MAP3K3: variants seen among roughly 807,000 people sequenced by gnomAD.
MAP3K3 encodes mitogen-activated protein kinase kinase kinase 3, also known as MAP/ERK kinase kinase 3.
Under a neutral mutation model 80.9 loss-of-function variants are expected in MAP3K3, and 12 were observed. The ratio of observed to expected loss-of-function variants is 0.15; its 90% CI spans 0.10 to 0.24. The LOEUF is 0.24. Among genes scored for constraint, MAP3K3 ranks in the 10% least tolerant of loss-of-function variants. The pLI is 1.00. For missense variants in MAP3K3, 596 were observed against 834.7 expected (o/e 0.71, Z 3.52); for synonymous variants, 272 against 307.1 (o/e 0.89, Z 1.19).
chr17:63,627,051 G>C (rs926092633), intron 1 of MAP3K3, among the ~76,000 whole-genome samples: 1 of 152,192 alleles, frequency 6.6e-6, no homozygotes, highest in Non-Finnish European at 1.5e-5. Flanking sequence ...ACCCTGCTTT[G>C]AGATACAAGT....
chr17:63,683,561 T>C (rs1437957245), intron 7 of MAP3K3, among the ~76,000 whole-genome samples: 3 of 152,186 alleles, frequency 2.0e-5, no homozygotes, highest in African/African-American at 7.2e-5. Flanking sequence ...GACAGACTTT[T>C]AGAAAGAGGC....
At position 63,690,250 on chromosome 17, in the gene MAP3K3, C is replaced by T; in HGVS notation, c.1064-14C>T. 1 of 1,610,372 alleles carries T rather than the reference C, an allele frequency of 6.2e-7. No individual in the cohort carries two copies. Among genetic ancestry groups the T allele is most frequent in the Non-Finnish European group, 8.5e-7 (1 of 1,178,650 alleles). ...ATGTACACAAAGTAACTCTTTCCTT[C>T]TGCTCTCCTGTAGCTCCCAGTGCCC... is the stretch of plus-strand genomic sequence containing the variant. On this transcript the variant is annotated splice_polypyrimidine_tract_variant and intron_variant, in intron 11 of 15. Transcript: ENST00000361733.
chr17:63,685,201 G>T (rs753750917), intron 7 of MAP3K3, among the ~76,000 whole-genome samples: 6 of 152,312 alleles, frequency 3.9e-5, no homozygotes, highest in Non-Finnish European at 8.8e-5. Context: ...CAGCAGGGTA[G>T]TACCATCTCC....
chr17:63,662,713 A>C (rs1398000272), intron 5 of MAP3K3, among the ~76,000 whole-genome samples: 4 of 133,024 alleles, frequency 3.0e-5, no homozygotes, highest in Non-Finnish European at 4.6e-5. Context: ...GTTGGAGTGC[A>C]GTGGCGCAAT....
At chr17:63,630,818 A>G (rs1450114820) in intron 1 of MAP3K3, among the ~76,000 whole-genome samples, 1 of 152,190 alleles carries the variant, frequency 6.6e-6, no homozygotes, top group Non-Finnish European at 1.5e-5. Context: ...TATGTTTTGA[A>G]GTGGAATCAT....
chr17:63,631,921 C>G (rs1351278588), intron 1 of MAP3K3, among the ~76,000 whole-genome samples: 1 of 152,072 alleles, frequency 6.6e-6, no homozygotes, highest in Non-Finnish European at 1.5e-5. Context: ...TTACCTGAGG[C>G]CCTTATTTGG....
chr17:63,649,973 G>A (rs2034617625), intron 3 of MAP3K3, among the ~76,000 whole-genome samples: 1 of 152,232 alleles, frequency 6.6e-6, no homozygotes, highest in Admixed American at 6.5e-5. Flanking sequence ...CAGGGAAGAT[G>A]AGAAAGAACC....
At chr17:63,645,218 G>A (rs1243142672) in intron 2 of MAP3K3, among the ~76,000 whole-genome samples, 1 of 152,076 alleles carries the variant, frequency 6.6e-6, no homozygotes, top group Non-Finnish European at 1.5e-5. Flanking sequence ...CAAGAGAATC[G>A]TTTGAACCCG....
chr17:63,691,853 G>C lies in MAP3K3; in HGVS notation c.1465G>C (p.Asp489His). The C allele has an allele frequency of 6.2e-7, 1 of 1,614,006 alleles. No individual in the cohort carries two copies. The highest frequency in any genetic ancestry group is 8.5e-7 in the Non-Finnish European group (1 of 1,179,916). Residue 489 changes from aspartate (D) to histidine (H), a missense_variant, in exon 14 of 16, where the codon GAC becomes CAC. Asp to His is a moderately conservative substitution (Grantham distance 81, BLOSUM62 -1). This residue lies in a region of MAP3K3 where 364 missense variants were observed against 588.9 expected (regional missense o/e 0.62). Transcript: ENST00000361733. The surrounding 1 kb of genome is among the most constrained non-coding windows in gnomAD (Gnocchi z 4.8). Reference sequence around the variant, plus strand: ...GCACAGCAACATGATTGTTCACCGGGACATTAAGGGTGAGCAGGGCCAGGA... The same window carrying C: ...GCACAGCAACATGATTGTTCACCGGCACATTAAGGGTGAGCAGGGCCAGGA... ...YLHSNMIVHR[D>H]IKGANILRDS...
chr17:63,632,854 A>T (rs2034245955), intron 2 of MAP3K3, 52 bp downstream of exon 2: 2 of 1,608,746 alleles, frequency 1.2e-6, no homozygotes, highest in South Asian at 1.1e-5. Flanking sequence ...AGGGGTTTTC[A>T]AATGGGAAAT....
intron 2 of MAP3K3, chr17:63,637,099 T>C (rs2034343320): frequency 4.8e-6 from 2 of 414,728 alleles, no homozygotes; most frequent in Non-Finnish European, 9.3e-6. Context: ...TGTTGCAGCT[T>C]TCAACAAGGT....
chr17:63,682,288 T>C (rs1039986807), intron 7 of MAP3K3: 2 of 157,268 alleles, frequency 1.3e-5, no homozygotes, highest in African/African-American at 4.8e-5. Context: ...TTTTGCTGTT[T>C]CTTGATGAAA....
At chr17:63,671,289 C>A (rs1598102014) in intron 6 of MAP3K3, among the ~76,000 whole-genome samples, 1 of 147,956 alleles carries the variant, frequency 6.8e-6, no homozygotes, top group African/African-American at 2.5e-5. Context: ...CGGAGTCTTG[C>A]TCTGTCACCA....
chr17:63,693,839 C>T lies in MAP3K3; in HGVS notation c.*62C>T, dbSNP rs1568158722. 7.7e-6 allele frequency: 11 copies of T among 1,433,042 alleles called. No individual in the cohort carries two copies. Among genetic ancestry groups the T allele is most frequent in the Non-Finnish European group, 9.6e-6 (10 of 1,044,636 alleles). The allele number at this position is 1,433,042 out of a possible 1,614,324, so 88.8% of individuals were successfully genotyped here. A position where few individuals can be genotyped will look rare whatever the true frequency, so the allele number is the denominator to read the frequency against. Reference sequence around the variant, plus strand: ...TGCATGGCAGGGGGCTGCTGCTGGGCTCAGTGAAGTTGCTGCTTCTCCCAG... The same window carrying T: ...TGCATGGCAGGGGGCTGCTGCTGGGTTCAGTGAAGTTGCTGCTTCTCCCAG... On this transcript the variant is annotated 3_prime_UTR_variant, in exon 16 of 16. Transcript: ENST00000361733. This position sits in a 1 kb window ranked among gnomAD's most constrained non-coding sequence, Gnocchi z 4.2.
At chr17:63,651,571 G>A (rs759752747) in intron 3 of MAP3K3, among the ~76,000 whole-genome samples, 3 of 152,178 alleles carry the variant, frequency 2.0e-5, no homozygotes, top group Non-Finnish European at 2.9e-5. Flanking sequence ...CCATGGACCT[G>A]TCACCCAGCT....
At chr17:63,663,586 A>G (rs374295158) in intron 5 of MAP3K3, among the ~76,000 whole-genome samples, 5 of 152,200 alleles carry the variant, frequency 3.3e-5, no homozygotes, top group East Asian at 3.8e-4. Context: ...GTTTAAGAGC[A>G]TGGATAATGA....
intron 6 of MAP3K3, among the ~76,000 whole-genome samples, chr17:63,674,270 G>T (rs969844178): frequency 9.9e-5 from 15 of 152,058 alleles, no homozygotes; most frequent in Non-Finnish European, 2.1e-4. Context: ...GTTTGGTAGT[G>T]AAATGGTGGA....
intron 2 of MAP3K3, among the ~76,000 whole-genome samples, chr17:63,640,643 T>G (rs2034421080): frequency 6.6e-6 from 1 of 152,160 alleles, no homozygotes; most frequent in Admixed American, 6.5e-5. Context: ...ATTGCAAAAA[T>G]TAGGATAGCT....
chr17:63,639,792 G>A (rs749203345), intron 2 of MAP3K3, among the ~76,000 whole-genome samples: 1 of 152,148 alleles, frequency 6.6e-6, no homozygotes, highest in Non-Finnish European at 1.5e-5. Flanking sequence ...AGTTGTAGGA[G>A]ATCAGTGGAA....
Sources: gnomAD v4.1 joint callset for allele counts (sites outside exome capture counted in the v4.1 genomes callset) on GRCh38, gnomAD v4.1.1 for gene constraint, gnomAD v4.1.1 regional missense constraint, Gnocchi (gnomAD v3.1) non-coding constraint, MANE v1.5 for transcripts, NCBI Gene and HGNC (gene_info 2026-07-23, HGNC 2026-07-21) for gene names.